The following DDRGK1 variants were observed in gnomAD, a reference collection of about 807,000 sequenced individuals.
DDRGK1 encodes the protein DDRGK domain-containing protein 1.
A neutral mutation model predicts 45.8 loss-of-function variants in DDRGK1; 38 were observed. The ratio of observed to expected loss-of-function variants is 0.83; its 90% CI spans 0.64 to 1.09. The LOEUF (loss-of-function observed/expected upper bound fraction) is 1.09, where lower values mean the gene tolerates loss of function less well. Ranked by LOEUF, DDRGK1 falls within the 50% of genes least tolerant of loss-of-function variation. The pLI is 0.00. For synonymous variants in DDRGK1, 171 were observed against 168.7 expected, an observed-to-expected ratio of 1.01 and a Z score of -0.11; for missense variants, 403 against 419.9, an observed-to-expected ratio of 0.96 and a Z score of 0.35.
chr20:3,194,710 GC>G, intron 6 of DDRGK1, 119 bp downstream of exon 6: 2 of 1,335,276 alleles, frequency 1.5e-6, no homozygotes, highest in Non-Finnish European at 1.0e-6. Context: ...GCCCCTCTGG[GC>G]CCCCCTGTCC....
intron 8 of DDRGK1, 111 bp from the exon 9 acceptor site, chr20:3,190,930 C>A (rs904437548): frequency 1.4e-6 from 2 of 1,443,826 alleles, no homozygotes; most frequent in Non-Finnish European, 1.9e-6. Flanking sequence ...CGGCCTCCTG[C>A]CTGCCTGGAC....
chr20:3,200,169 G>A (rs78897019), intron 3 of DDRGK1, 67 bp from the exon 4 acceptor site: 9 of 1,560,072 alleles, frequency 5.8e-6, no homozygotes, highest in Non-Finnish European at 7.0e-6. Flanking sequence ...CGCCCAGACA[G>A]ACTAGGGAAG....
intron 6 of DDRGK1, among the ~76,000 whole-genome samples, chr20:3,194,381 C>T (rs1481265265): frequency 6.6e-6 from 1 of 152,246 alleles, no homozygotes; most frequent in Admixed American, 6.5e-5. Flanking sequence ...AGGGGACACA[C>T]TGCCGCCCCA....
chr20:3,190,414 TTCCAAGGGACCC>T lies in DDRGK1; in HGVS notation c.*227_*238del, dbSNP rs1426595408. The T allele has an allele frequency of 7.5e-6, 4 of 535,592 alleles. No homozygotes were observed. Among genetic ancestry groups the T allele is most frequent in the Admixed American group, 3.3e-5 (1 of 29,896 alleles). 33.2% of individuals were successfully genotyped at this position (535,592 alleles called of 1,614,324 possible). On this transcript the variant is annotated 3_prime_UTR_variant, in exon 9 of 9. Coordinates refer to ENST00000354488, the MANE Select transcript of DDRGK1 (RefSeq NM_023935.3). ...ATAATAAGAACAGGACTTCACCAGC[TTCCAAGGGACCC>T]TCCCCACCTCTCGGATATATTCTGA...
At chr20:3,193,936 C>T (rs2066999348) in intron 6 of DDRGK1, among the ~76,000 whole-genome samples, 1 of 152,130 alleles carries the variant, frequency 6.6e-6, no homozygotes, top group African/African-American at 2.4e-5. Context: ...AATAACCTGC[C>T]CGGCCACAGC....
chr20:3,202,571 A>G (rs1035002147), intron 2 of DDRGK1, among the ~76,000 whole-genome samples: 7 of 152,242 alleles, frequency 4.6e-5, no homozygotes, highest in African/African-American at 1.7e-4. Flanking sequence ...CTGTGCAGCA[A>G]GGGTCTCTGA....
At chr20:3,191,280 G>A (rs1446936057) in intron 7 of DDRGK1, 42 bp from the exon 8 acceptor site, 4 of 1,607,108 alleles carry the variant, frequency 2.5e-6, no homozygotes, top group Non-Finnish European at 3.4e-6. Flanking sequence ...AGGCACCAAT[G>A]TCCCCAGAAA....
At position 3,191,972 on chromosome 20, in the gene DDRGK1, G is replaced by GACACACACACACAC. The variant is rs150309651; in HGVS notation, c.673-165_673-152dup. On this transcript the variant is annotated intron_variant, in intron 6 of 8. Coordinates refer to ENST00000354488, the MANE Select transcript of DDRGK1 (RefSeq NM_023935.3). ...TCCTGTAGGACAGCCTTGCTCCCCT[G>GACACACACACACAC]ACACACACACACACACACACACACA... 2.4e-4 allele frequency: 134 copies of GACACACACACACAC among 562,720 alleles called. 1 individual carries two copies. Among genetic ancestry groups the GACACACACACACAC allele is most frequent in the East Asian group, 1.1e-3 (36 of 34,068 alleles). 34.9% of individuals were successfully genotyped at this position (562,720 alleles called of 1,614,324 possible).
rs79310747 is a variant in DDRGK1 at position 3,198,106 on chromosome 20, A to G, written c.510+1895T>C. ...AGTGAGACTCCATCTCTCTTAAAAA[A>G]AAAAAAAAAAAAAAAAAAAGGCCGG... On this transcript the variant is annotated intron_variant, in intron 4 of 8. Transcript: ENST00000354488. Among the ~76,000 whole-genome samples, 5 of 146,476 alleles carry G rather than the reference A, an allele frequency of 3.4e-5. No individual in the cohort carries two copies. The East Asian group carries it at 1.0e-3, about 30-fold the overall frequency.
chr20:3,195,840 C>T (rs1448866360), intron 4 of DDRGK1, among the ~76,000 whole-genome samples: 3 of 152,246 alleles, frequency 2.0e-5, no homozygotes, highest in African/African-American at 7.2e-5. Context: ...TCACCCATGC[C>T]CTCCACTCAC....
chr20:3,199,977 G>A, intron 4 of DDRGK1, 24 bp downstream of exon 4: 2 of 1,588,034 alleles, frequency 1.3e-6, no homozygotes, highest in East Asian at 2.2e-5. Flanking sequence ...AAGGGTCAGA[G>A]GTCAGGGTAG....
chr20:3,199,141 C>G (rs570968265), intron 4 of DDRGK1, among the ~76,000 whole-genome samples: 1 of 152,136 alleles, frequency 6.6e-6, no homozygotes, highest in East Asian at 1.9e-4. Flanking sequence ...GGCAACGGAG[C>G]AAGACCCTGT....
chr20:3,192,161 G>T (rs61261378), intron 6 of DDRGK1, among the ~76,000 whole-genome samples: 16,710 of 151,980 alleles, frequency 0.11, 1,081 homozygotes, highest in African/African-American at 0.15. Flanking sequence ...ACCATCCTCT[G>T]CATCCAGCCA....
Position 3,190,748 on chromosome 20 carries a change from G to T in DDRGK1, c.850C>A (p.Arg284=). Residue 284 remains arginine (R), a synonymous_variant, in exon 9 of 9, where the codon CGA becomes AGA. Coordinates refer to ENST00000354488, the MANE Select transcript of DDRGK1 (RefSeq NM_023935.3). ...EELAAVANFI[R]QRGRVSIAEL... ...GCGATGGACACCCGGCCCCGCTGTC[G>T]GATGAAGTTGGCCACGGCGGCCAGT... The T allele has an allele frequency of 6.8e-6, 11 of 1,614,122 alleles. No homozygotes were observed. Among genetic ancestry groups the T allele is most frequent in the Non-Finnish European group, 9.3e-6 (11 of 1,180,002 alleles).
In DDRGK1 at chr20:3,203,371, C is replaced by G; in HGVS notation, c.137G>C (p.Arg46Pro). ...LHNEELAGAG[R>P]VAQPGPLEPE... ...CTCCAGGGGCCCAGGCTGGGCCACC[C>G]GGCCTGCTCCTGCCAGCTCCTCATT... is the stretch of plus-strand genomic sequence containing the variant. The change falls in exon 2 of 9, where the codon CGG (arginine) becomes CCG (proline). Residue 46 changes from arginine to proline, a missense_variant. By Grantham distance (103) the Arg-to-Pro change is moderately radical (BLOSUM62 -2). Transcript: ENST00000354488. 6.2e-7 allele frequency: 1 copy of G among 1,605,700 alleles called. No individual in the cohort carries two copies. Among genetic ancestry groups the G allele is most frequent in the South Asian group, 1.1e-5 (1 of 90,562 alleles).
At chr20:3,195,938 C>T (rs965212770) in intron 4 of DDRGK1, among the ~76,000 whole-genome samples, 4 of 152,126 alleles carry the variant, frequency 2.6e-5, no homozygotes, top group African/African-American at 9.7e-5. Flanking sequence ...CCCACCCTCT[C>T]CTGGATTTCC....
intron 1 of DDRGK1, 56 bp downstream of exon 1, chr20:3,204,481 G>T (rs1007521736): frequency 1.3e-6 from 2 of 1,514,106 alleles, no homozygotes; most frequent in Non-Finnish European, 8.9e-7. Flanking sequence ...GTCCACAAAG[G>T]CTCAGAAGGC....
At chr20:3,191,621 G>A (rs1334808632) in intron 7 of DDRGK1, 144 bp downstream of exon 7, 1 of 954,336 alleles carries the variant, frequency 1.0e-6, no homozygotes, top group African/African-American at 1.6e-5. Flanking sequence ...TTCCCAGGGT[G>A]CCAGGAGACT....
chr20:3,204,339 G>A (rs1434024943), intron 1 of DDRGK1, among the ~76,000 whole-genome samples, 198 bp downstream of exon 1: 1 of 152,146 alleles, frequency 6.6e-6, no homozygotes, highest in Admixed American at 6.5e-5. Context: ...GGAGTCGAGA[G>A]AAAGGGGTAG....
Sources: allele counts gnomAD v4.1 joint callset (sites outside exome capture counted in the v4.1 genomes callset), GRCh38; gene constraint gnomAD v4.1.1; transcripts MANE v1.5; gene names NCBI Gene and HGNC (gene_info 2026-07-23, HGNC 2026-07-21).